CFAP299: variants seen among roughly 807,000 people sequenced by gnomAD.
The protein encoded by CFAP299 is cilia- and flagella-associated protein 299.
In CFAP299, 21 loss-of-function variants were observed where a neutral mutation model predicts 27.0. The observed-to-expected ratio is 0.78, with a 90% CI of 0.55 to 1.12. The LOEUF (loss-of-function observed/expected upper bound fraction) is 1.12, where lower values mean the gene tolerates loss of function less well. CFAP299 is among the 50% of genes most tolerant of loss of function. CFAP299 has a pLI of 0.00. For missense variants in CFAP299, 310 were observed against 276.6 expected, an observed-to-expected ratio of 1.12 and a Z score of -0.86; for synonymous variants, 104 against 98.1, an observed-to-expected ratio of 1.06 and a Z score of -0.36.
At chr4:80,786,202 A>G (rs187490479) in intron 3 of CFAP299, among the ~76,000 whole-genome samples, 78 of 152,242 alleles carry the variant, frequency 5.1e-4, no homozygotes, top group African/African-American at 1.8e-3. Flanking sequence ...AGAAAGAACT[A>G]GTATTCCAGG....
chr4:80,429,004 T>C (rs910618920), intron 2 of CFAP299, among the ~76,000 whole-genome samples: 2 of 152,224 alleles, frequency 1.3e-5, no homozygotes, highest in Admixed American at 6.5e-5. Context: ...AGCATGAGGT[T>C]ATTTATGGGA....
At chr4:80,916,295 A>ATATATATATATATATATATAT (rs1405206483) in intron 4 of CFAP299, among the ~76,000 whole-genome samples, 1 of 125,570 alleles carries the variant, frequency 8.0e-6, no homozygotes, top group African/African-American at 3.2e-5. Flanking sequence ...ATATATATAT[A>ATATATATATATATATATATAT]TTTCAGGTAC....
chr4:80,393,890 CAA>C (rs1244605887), intron 2 of CFAP299, among the ~76,000 whole-genome samples: 2 of 152,094 alleles, frequency 1.3e-5, no homozygotes, highest in African/African-American at 4.8e-5. Flanking sequence ...CCCCACGTGT[CAA>C]GAGTGGGATT....
chr4:80,628,112 G>T (rs1255051407), intron 3 of CFAP299, among the ~76,000 whole-genome samples: 1 of 152,046 alleles, frequency 6.6e-6, no homozygotes, highest in Non-Finnish European at 1.5e-5. Context: ...GACCAAAACA[G>T]CATGGTACTG....
At chr4:80,419,305 T>G (rs1044501458) in intron 2 of CFAP299, among the ~76,000 whole-genome samples, 20 of 152,178 alleles carry the variant, frequency 1.3e-4, no homozygotes, top group African/African-American at 4.8e-4. Flanking sequence ...CCCTGATTCT[T>G]CCCTTGGGGT....
At chr4:80,567,489 T>C (rs1192805979) in intron 2 of CFAP299, among the ~76,000 whole-genome samples, 1 of 152,014 alleles carries the variant, frequency 6.6e-6, no homozygotes, top group African/African-American at 2.4e-5. Context: ...TCCTAAAGAA[T>C]ATTGTTTCAA....
chr4:80,878,788 G>T (rs1440789524), intron 4 of CFAP299, among the ~76,000 whole-genome samples: 2 of 152,034 alleles, frequency 1.3e-5, no homozygotes, highest in Non-Finnish European at 2.9e-5. Context: ...TGCAGGAATT[G>T]TACACAACTT....
At chr4:80,624,990 G>T (rs1281183007) in intron 3 of CFAP299, among the ~76,000 whole-genome samples, 1 of 151,986 alleles carries the variant, frequency 6.6e-6, no homozygotes, top group Non-Finnish European at 1.5e-5. Flanking sequence ...AATGCTAAAG[G>T]GAGCTCTTCA....
intron 4 of CFAP299, among the ~76,000 whole-genome samples, chr4:80,939,064 TA>T (rs972246596): frequency 6.6e-6 from 1 of 152,198 alleles, no homozygotes; most frequent in African/African-American, 2.4e-5. Flanking sequence ...GTTCCCTTTG[TA>T]GATGATTAAC....
Position 80,583,172 on chromosome 4 carries a change from G to A in CFAP299, c.322G>A (p.Gly108Arg), listed in dbSNP as rs751700524. The change falls in exon 3 of 6, where the codon GGA (glycine) becomes AGA (arginine). Residue 108 changes from glycine (G) to arginine (R), a missense_variant. Transcript: ENST00000358105. Reference protein sequence around the residue: ...LAMREEDNRSGKLSSVIFIRD... With the variant: ...LAMREEDNRSRKLSSVIFIRD... ...AATGAGAGAAGAAGACAATCGCAGT[G>A]GAAAACTGAGTGTAAGTACATTTCA... 2 of 1,600,924 alleles carry A rather than the reference G, an allele frequency of 1.2e-6. No individual in the cohort carries two copies. The highest frequency in any genetic ancestry group is 1.7e-6 in the Non-Finnish European group (2 of 1,171,408).
chr4:80,413,123 G>T (rs2110062733), intron 2 of CFAP299, among the ~76,000 whole-genome samples: 1 of 146,228 alleles, frequency 6.8e-6, no homozygotes, highest in Middle Eastern at 3.6e-3. Flanking sequence ...AAAGCCACCT[G>T]TGCGATAACA....
At chr4:80,380,399 A>G (rs914756206) in intron 2 of CFAP299, among the ~76,000 whole-genome samples, 2 of 150,140 alleles carry the variant, frequency 1.3e-5, no homozygotes, top group Non-Finnish European at 3.0e-5. Flanking sequence ...TTTCTTCAGA[A>G]TATTATTTAG....
chr4:80,758,072 G>C (rs142203280), intron 3 of CFAP299, among the ~76,000 whole-genome samples: 1 of 152,172 alleles, frequency 6.6e-6, no homozygotes, highest in Non-Finnish European at 1.5e-5. Flanking sequence ...TAGTGTTGCC[G>C]TCTATGGATG....
intron 3 of CFAP299, among the ~76,000 whole-genome samples, chr4:80,756,644 G>A (rs1043993543): frequency 6.6e-6 from 1 of 151,932 alleles, no homozygotes; most frequent in Non-Finnish European, 1.5e-5. Context: ...ACATAAAGTA[G>A]AACAAAGCCA....
chr4:80,515,631 C>T (rs886798854), intron 2 of CFAP299, among the ~76,000 whole-genome samples: 2 of 152,102 alleles, frequency 1.3e-5, no homozygotes, highest in African/African-American at 4.8e-5. Context: ...AATATGATGT[C>T]CCAGGGAGTT....
intron 3 of CFAP299, among the ~76,000 whole-genome samples, chr4:80,728,858 C>T (rs956875480): frequency 2.0e-5 from 3 of 152,118 alleles, no homozygotes; most frequent in Admixed American, 1.3e-4. Flanking sequence ...AGAGAGGAAT[C>T]CTATCTTCAC....
At chr4:80,456,904 A>C (rs779942807) in intron 2 of CFAP299, among the ~76,000 whole-genome samples, 1 of 152,158 alleles carries the variant, frequency 6.6e-6, no homozygotes, top group Non-Finnish European at 1.5e-5. Context: ...TGGTTTAGCC[A>C]GGAAGACAAA....
chr4:80,572,420 CAA>C, intron 2 of CFAP299, among the ~76,000 whole-genome samples: 1 of 148,812 alleles, frequency 6.7e-6, no homozygotes, highest in African/African-American at 2.5e-5. Context: ...TGAGAACAAG[CAA>C]AGTTTGTCTT....
intron 2 of CFAP299, among the ~76,000 whole-genome samples, chr4:80,392,896 A>G (rs1260906292): frequency 3.9e-5 from 6 of 152,174 alleles, no homozygotes; most frequent in African/African-American, 1.4e-4. Context: ...CACTCCTTCT[A>G]CTTATTAAAA....
Sources: gnomAD v4.1 joint callset for allele counts (sites outside exome capture counted in the v4.1 genomes callset) on GRCh38, gnomAD v4.1.1 for gene constraint, MANE v1.5 for transcripts, NCBI Gene and HGNC (gene_info 2026-07-23, HGNC 2026-07-21) for gene names.